The following CRIM1 variants were observed in gnomAD, a reference collection of about 807,000 sequenced individuals.
CRIM1 encodes the protein cysteine rich transmembrane BMP regulator 1.
A neutral mutation model predicts 116.4 loss-of-function variants in CRIM1; 32 were observed. That is an observed-to-expected ratio of 0.27 (90% CI 0.21 to 0.37). The LOEUF is 0.37. Ranked by LOEUF, CRIM1 falls within the 10% of genes least tolerant of loss-of-function variation. The pLI, the probability that CRIM1 is intolerant of heterozygous loss-of-function variation, is 1.00. For synonymous variants in CRIM1, 590 were observed against 509.2 expected (o/e 1.16, Z -2.13); for missense variants, 1,331 against 1,354.8 (o/e 0.98, Z 0.28).
At chr2:36,489,943 C>G (rs915723411) in intron 7 of CRIM1, among the ~76,000 whole-genome samples, 1 of 152,174 alleles carries the variant, frequency 6.6e-6, no homozygotes, top group Non-Finnish European at 1.5e-5. Context: ...GACTGCTACT[C>G]AGCAAATGTG....
At chr2:36,408,189 G>C (rs1041246376) in intron 2 of CRIM1, among the ~76,000 whole-genome samples, 3 of 152,218 alleles carry the variant, frequency 2.0e-5, no homozygotes, top group Non-Finnish European at 4.4e-5. Context: ...GGTTGAGCCA[G>C]ATAAATGGTG....
At chr2:36,499,845 T>C (rs1260833839) in intron 8 of CRIM1, among the ~76,000 whole-genome samples, 2 of 152,048 alleles carry the variant, frequency 1.3e-5, no homozygotes, top group Admixed American at 6.6e-5. Flanking sequence ...AATAAAATAA[T>C]ACACACACAC....
chr2:36,360,308 C>G (rs1669133726), intron 1 of CRIM1, among the ~76,000 whole-genome samples: 1 of 152,110 alleles, frequency 6.6e-6, no homozygotes, highest in East Asian at 1.9e-4. Flanking sequence ...AGTCACTGTT[C>G]CGAGGACTCT....
chr2:36,359,770 G>GA (rs778236678), intron 1 of CRIM1, among the ~76,000 whole-genome samples: 21 of 152,166 alleles, frequency 1.4e-4, no homozygotes, highest in Admixed American at 5.9e-4. Context: ...AAGTGCATTT[G>GA]AAAAAATGAG....
At chr2:36,498,205 A>G (rs1680738856) in intron 7 of CRIM1, among the ~76,000 whole-genome samples, 1 of 152,196 alleles carries the variant, frequency 6.6e-6, no homozygotes, top group African/African-American at 2.4e-5. Flanking sequence ...ACAACCTGGC[A>G]TTATATAAAC....
At chr2:36,474,771 C>T (rs916185973) in intron 5 of CRIM1, among the ~76,000 whole-genome samples, 1 of 143,290 alleles carries the variant, frequency 7.0e-6, no homozygotes, top group African/African-American at 2.6e-5. Flanking sequence ...TCACTTGAAC[C>T]CAGGAGGTAA....
chr2:36,386,312 TTATC>T (rs761678772), intron 1 of CRIM1, among the ~76,000 whole-genome samples: 1 of 152,240 alleles, frequency 6.6e-6, no homozygotes, highest in African/African-American at 2.4e-5. Flanking sequence ...TATTATTTAT[TTATC>T]TAACATGGTT....
In CRIM1 at chr2:36,378,388, G is replaced by A. The variant is rs556189723; in HGVS notation, c.332-18226G>A. On this transcript the variant is annotated intron_variant, in intron 1 of 16. Transcript: ENST00000280527. ...GGTATTGAATTTGAGGCTGCTCTCA[G>A]CATTACTGCTCATCTCAAAGAGGAA... The A allele has an allele frequency of 4.3e-4, 203 of 471,146 alleles. 2 individuals are homozygous for A. Among genetic ancestry groups the A allele is most frequent in the South Asian group, 3.0e-3 (192 of 64,570 alleles). The allele number at this position is 471,146 out of a possible 1,614,324, so 29.2% of individuals were successfully genotyped here.
intron 2 of CRIM1, among the ~76,000 whole-genome samples, chr2:36,403,897 A>G (rs1342426761): frequency 2.0e-5 from 3 of 152,100 alleles, no homozygotes; most frequent in African/African-American, 7.2e-5. Context: ...TCAGAGAGAG[A>G]TCTGAGCTGG....
chr2:36,396,890 G>A, intron 2 of CRIM1, 103 bp downstream of exon 2: 1 of 991,118 alleles, frequency 1.0e-6, no homozygotes, highest in Middle Eastern at 2.4e-4. Flanking sequence ...CAAGTTTACA[G>A]AGAGTGGTAG....
At chr2:36,426,797 A>G (rs755408743) in intron 2 of CRIM1, among the ~76,000 whole-genome samples, 1 of 152,180 alleles carries the variant, frequency 6.6e-6, no homozygotes, top group Non-Finnish European at 1.5e-5. Context: ...CCTATTCCAG[A>G]CACATTTTTA....
chr2:36,357,018 C>T (rs1668873907), intron 1 of CRIM1, among the ~76,000 whole-genome samples: 1 of 152,212 alleles, frequency 6.6e-6, no homozygotes. Context: ...CCCTACCGCC[C>T]TCCCCGCACT....
chr2:36,384,495 A>G (rs1360235685), intron 1 of CRIM1, among the ~76,000 whole-genome samples: 2 of 152,240 alleles, frequency 1.3e-5, no homozygotes, highest in Admixed American at 6.5e-5. Context: ...TACACAAAGG[A>G]AACTCAGTTT....
At chr2:36,383,733 A>G (rs1352940294) in intron 1 of CRIM1, among the ~76,000 whole-genome samples, 3 of 152,122 alleles carry the variant, frequency 2.0e-5, no homozygotes, top group African/African-American at 7.2e-5. Flanking sequence ...TGAAAATCAG[A>G]CTTCTTTGAA....
intron 2 of CRIM1, among the ~76,000 whole-genome samples, chr2:36,424,105 G>A (rs577773630): frequency 2.6e-5 from 4 of 152,326 alleles, no homozygotes; most frequent in Middle Eastern, 3.4e-3. Context: ...AAACAAAAAT[G>A]TATGAAACTC....
intron 7 of CRIM1, among the ~76,000 whole-genome samples, chr2:36,488,598 G>A (rs1422341172): frequency 2.0e-5 from 3 of 152,184 alleles, no homozygotes; most frequent in African/African-American, 7.2e-5. Flanking sequence ...TTGAGTTTAA[G>A]TTGATCAGCA....
At chr2:36,540,937 C>A (rs1572964882) in intron 14 of CRIM1, among the ~76,000 whole-genome samples, 2 of 152,220 alleles carry the variant, frequency 1.3e-5, no homozygotes. Context: ...TTAGAGATTT[C>A]TCCAGTGACT....
chr2:36,546,787 TTTTA>T (rs1667371255), intron 15 of CRIM1, among the ~76,000 whole-genome samples, 193 bp from the exon 16 acceptor site: 2 of 131,434 alleles, frequency 1.5e-5, no homozygotes, highest in Admixed American at 1.6e-4. Context: ...TTTTTTTTTT[TTTTA>T]ACATTCATCC....
Position 36,504,776 on chromosome 2 carries a change from A to G in CRIM1, c.1502-5207A>G, listed in dbSNP as rs17018932. On this transcript the variant is annotated intron_variant, in intron 8 of 16. Coordinates refer to ENST00000280527, the MANE Select transcript of CRIM1 (RefSeq NM_016441.3). ...CCAGTGTCTTTTGCTAATAGACGTA[A>G]TATACCTGCTTACTACATAAACTCT... is the stretch of plus-strand genomic sequence containing the variant. 5.0e-3 allele frequency among the ~76,000 whole-genome samples: 762 copies of G among 152,312 alleles called. 4 individuals are homozygous for G. The highest frequency in any genetic ancestry group is 0.018 in the African/African-American group (733 of 41,550).
Sources: allele counts gnomAD v4.1 joint callset (sites outside exome capture counted in the v4.1 genomes callset), GRCh38; gene constraint gnomAD v4.1.1; transcripts MANE v1.5; gene names NCBI Gene and HGNC (gene_info 2026-07-23, HGNC 2026-07-21).